MAST3: variants seen among roughly 807,000 people sequenced by gnomAD.
MAST3 encodes the protein microtubule-associated serine/threonine-protein kinase 3.
A neutral mutation model predicts 127.0 loss-of-function variants in MAST3; 43 were observed. The ratio of observed to expected loss-of-function variants is 0.34; its 90% CI spans 0.27 to 0.44. The LOEUF is 0.44. Ranked by LOEUF, MAST3 falls within the 20% of genes least tolerant of loss-of-function variation. The probability of loss-of-function intolerance (pLI) is 1.00; values close to 1 mark genes in which losing one functional copy is unlikely to be tolerated. For synonymous variants in MAST3, 785 were observed against 809.2 expected (o/e 0.97, Z 0.51); for missense variants, 1,390 against 1,919.1 (o/e 0.72, Z 5.15).
At position 18,110,394 on chromosome 19, in the gene MAST3, CG is replaced by C; in HGVS notation, c.72-254del. The C allele has an allele frequency of 1.0e-6, 1 of 985,506 alleles. No individual in the cohort carries two copies. Among genetic ancestry groups the C allele is most frequent in the Non-Finnish European group, 1.2e-6 (1 of 829,958 alleles). 61.0% of individuals were successfully genotyped at this position (985,506 alleles called of 1,614,324 possible). A position where few individuals can be genotyped will look rare whatever the true frequency, so the allele number is the denominator to read the frequency against. The stretch of plus-strand genomic sequence containing the variant: ...GAGTGTTGGGCAGGGCGGGGGTATG[CG>C]GGGTGCAGGGAGGACAGGATGACAA... On this transcript the variant is annotated intron_variant, in intron 2 of 27. Transcript: ENST00000687212. This position sits in a 1 kb window ranked among gnomAD's most constrained non-coding sequence, Gnocchi z 4.3.
intron 15 of MAST3, among the ~76,000 whole-genome samples, chr19:18,133,600 C>T (rs2041568900): frequency 8.0e-6 from 1 of 125,704 alleles, no homozygotes; most frequent in Non-Finnish European, 1.6e-5. Context: ...TGTCGCCAGG[C>T]TGGAGTGCAG....
chr19:18,149,642 T>C lies in MAST3; in HGVS notation c.3960T>C (p.Thr1320=). The change falls in exon 28 of 28, where the codon ACT becomes ACC. Residue 1320 remains threonine, a synonymous_variant. Coordinates refer to ENST00000687212, the MANE Select transcript of MAST3 (RefSeq NM_001393504.1). This position sits in a 1 kb window ranked among gnomAD's most constrained non-coding sequence, Gnocchi z 5.9. ...VSFDEPQEEA[T]GLPTSVPQIA... ...TCGATGAGCCGCAGGAGGAGGCCAC[T>C]GGGCTGCCCACCTCAGTGCCACAGA... The C allele has an allele frequency of 6.2e-7, 1 of 1,613,238 alleles. No homozygotes were observed. Among genetic ancestry groups the C allele is most frequent in the Non-Finnish European group, 8.5e-7 (1 of 1,179,880 alleles).
intron 1 of MAST3, 56 bp downstream of exon 1, chr19:18,097,887 C>T: frequency 8.4e-7 from 1 of 1,195,628 alleles, no homozygotes; most frequent in Non-Finnish European, 1.0e-6. Context: ...GTGGACGCGG[C>T]CTGAAAGGTG....
At position 18,128,464 on chromosome 19, in the gene MAST3, T is replaced by A; in HGVS notation, c.1137+6T>A. The A allele has an allele frequency of 6.4e-7, 1 of 1,553,212 alleles. No individual in the cohort carries two copies. Among genetic ancestry groups the A allele is most frequent in the South Asian group, 1.2e-5 (1 of 84,140 alleles). ...CAGCACCTGAGTCCCCAGAGGTGAG[T>A]AGCAGAGGCTGGGGGACCCCCGCTC... On this transcript the variant is annotated splice_donor_region_variant and intron_variant, in intron 12 of 27. Transcript: ENST00000687212.
At chr19:18,108,715 A>AG in intron 2 of MAST3, among the ~76,000 whole-genome samples, 1 of 152,280 alleles carries the variant, frequency 6.6e-6, no homozygotes. Flanking sequence ...TTATTGTTCA[A>AG]TGCTTTCATT....
intron 10 of MAST3, 33 bp downstream of exon 10, chr19:18,124,399 C>T: frequency 4.5e-6 from 7 of 1,549,478 alleles, no homozygotes; most frequent in Non-Finnish European, 5.3e-6. Flanking sequence ...AGCTTGGGGT[C>T]CAGGCAGAAC....
chr19:18,113,326 C>T (rs534815945), intron 3 of MAST3, among the ~76,000 whole-genome samples: 1 of 152,200 alleles, frequency 6.6e-6, no homozygotes, highest in East Asian at 1.9e-4. Context: ...GCTTTGTTGC[C>T]CAGGCTGGGG....
intron 18 of MAST3, among the ~76,000 whole-genome samples, chr19:18,136,654 T>G (rs1247358499): frequency 6.6e-6 from 1 of 152,172 alleles, no homozygotes; most frequent in African/African-American, 2.4e-5. Flanking sequence ...CTCAAACTCC[T>G]GACCTCAAGT....
intron 3 of MAST3, among the ~76,000 whole-genome samples, chr19:18,120,098 G>A (rs961892728): frequency 1.3e-5 from 2 of 152,236 alleles, no homozygotes; most frequent in Non-Finnish European, 2.9e-5. Context: ...CAGGCAGGGT[G>A]TGAGAGACCT....
intron 20 of MAST3, among the ~76,000 whole-genome samples, chr19:18,141,495 T>G (rs1481562968): frequency 6.6e-6 from 1 of 151,190 alleles, no homozygotes; most frequent in African/African-American, 2.4e-5. Flanking sequence ...GCCTCAGCCT[T>G]CCAAGTAGCT....
intron 20 of MAST3, among the ~76,000 whole-genome samples, chr19:18,141,117 C>G (rs537917038): frequency 6.6e-6 from 1 of 152,040 alleles, no homozygotes; most frequent in Non-Finnish European, 1.5e-5. Context: ...TATAACCTCA[C>G]GAGCTTAACT....
At position 18,112,498 on chromosome 19, in the gene MAST3, C is replaced by G. The variant is rs559473804; in HGVS notation, c.161+1757C>G. 6.6e-6 allele frequency among the ~76,000 whole-genome samples: 1 copy of G among 152,164 alleles called. No homozygotes were observed. On this transcript the variant is annotated intron_variant, in intron 3 of 27. Transcript: ENST00000687212. This position sits in a 1 kb window ranked among gnomAD's most constrained non-coding sequence, Gnocchi z 4.1. ...TACAGGCACACACCAACACTCCCGG[C>G]TAATTTTTGTATTTTCAGTAAAGAT...
At position 18,144,576 on chromosome 19, in the gene MAST3, A is replaced by G. The variant is rs1229583713; in HGVS notation, c.2695A>G (p.Arg899Gly). The G allele has an allele frequency of 6.2e-7, 1 of 1,610,220 alleles. No individual in the cohort carries two copies. The highest frequency in any genetic ancestry group is 8.5e-7 in the Non-Finnish European group (1 of 1,179,026). ...CCGGGGCCGCCGCCTTGGGGGCCCA[A>G]GAGACCCAGCCCCTGAGAAGTCCAG... Reference protein sequence around the residue: ...AGRGRRLGGPRDPAPEKSRAS... With the variant: ...AGRGRRLGGPGDPAPEKSRAS... Residue 899 changes from arginine to glycine, a missense_variant, in exon 23 of 28, where the codon AGA (arginine) becomes GGA (glycine). Physicochemically the swap from Arg to Gly is moderately radical, Grantham distance 125. Transcript: ENST00000687212. This position sits in a 1 kb window ranked among gnomAD's most constrained non-coding sequence, Gnocchi z 4.0.
Position 18,135,810 on chromosome 19 carries a change from C to T in MAST3, c.1941C>T (p.Leu647=), listed in dbSNP as rs756429865. The part of the protein sequence containing the change: ...ADAQDLITRL[L]RQSPLDRLGT... ...CCCAGGACCTCATCACCAGGTTGCT[C>T]CGGCAGAGCCCGCTGGACCGTCTGG... Residue 647 remains leucine, a synonymous_variant, in exon 18 of 28, where the codon CTC becomes CTT. Transcript: ENST00000687212. 6.2e-7 allele frequency: 1 copy of T among 1,610,160 alleles called. No individual in the cohort carries two copies. Among genetic ancestry groups the T allele is most frequent in the South Asian group, 1.1e-5 (1 of 90,032 alleles).
At chr19:18,098,891 C>A in intron 1 of MAST3, 1 of 440,540 alleles carries the variant, frequency 2.3e-6, no homozygotes, top group South Asian at 1.6e-5. Flanking sequence ...GGTGACCCCA[C>A]GGAGTGATCA....
chr19:18,104,121 A>G (rs1295316834), intron 1 of MAST3, among the ~76,000 whole-genome samples: 1 of 127,890 alleles, frequency 7.8e-6, no homozygotes, highest in Non-Finnish European at 1.6e-5. Context: ...CGGAGGTTGC[A>G]GTGAGCCAAG....
At chr19:18,114,483 C>T (rs913772290) in intron 3 of MAST3, among the ~76,000 whole-genome samples, 3 of 152,166 alleles carry the variant, frequency 2.0e-5, no homozygotes, top group Non-Finnish European at 1.5e-5. Context: ...GCCACGGCAC[C>T]CAGCCAACCC....
chr19:18,148,261 A>T (rs1001012135), intron 27 of MAST3, among the ~76,000 whole-genome samples: 1 of 151,784 alleles, frequency 6.6e-6, no homozygotes, highest in Non-Finnish European at 1.5e-5. Flanking sequence ...AGATTGAGCC[A>T]TTGCACTCCA....
rs550851995 is a variant in MAST3, at chr19:18,124,207, T to C, written c.844-58T>C. On this transcript the variant is annotated intron_variant, in intron 9 of 27. Coordinates refer to ENST00000687212, the MANE Select transcript of MAST3 (RefSeq NM_001393504.1). ...GCAGTGGGACGTGGAGTGAGGGGGG[T>C]CCCCAGGCCAGACGGTGCTGAGGAC... is the stretch of plus-strand genomic sequence containing the variant. 5.7e-6 allele frequency: 9 copies of C among 1,587,502 alleles called. 1 individual carries two copies. In the Admixed American group the frequency reaches 1.6e-4, roughly 28 times the overall value.
Sources: allele counts gnomAD v4.1 joint callset (sites outside exome capture counted in the v4.1 genomes callset), GRCh38; gene constraint gnomAD v4.1.1; non-coding constraint Gnocchi (gnomAD v3.1); transcripts MANE v1.5; gene names NCBI Gene and HGNC (gene_info 2026-07-23, HGNC 2026-07-21).